The following PHLDB2 variants were observed in gnomAD, a reference collection of about 807,000 sequenced individuals.
PHLDB2 encodes the protein pleckstrin homology like domain family B member 2, also known as pleckstrin homology-like domain family B member 2.
PHLDB2 carries 71 observed loss-of-function variants against 123.6 expected under a neutral mutation model. That is an observed-to-expected ratio of 0.57 (90% confidence interval 0.47 to 0.70). PHLDB2 has a LOEUF of 0.70. Ranked by LOEUF, PHLDB2 falls within the 30% of genes least tolerant of loss-of-function variation. The pLI is 0.00. For missense variants in PHLDB2, 1,446 were observed against 1,519.5 expected (o/e 0.95, Z 0.80); for synonymous variants, 547 against 541.6 (o/e 1.01, Z -0.14).
intron 1 of PHLDB2, among the ~76,000 whole-genome samples, chr3:111,865,581 T>G (rs1378366778): frequency 6.6e-6 from 1 of 152,140 alleles, no homozygotes; most frequent in Non-Finnish European, 1.5e-5. Context: ...AAACTCCTGT[T>G]GAAACAAAAT....
intron 1 of PHLDB2, among the ~76,000 whole-genome samples, chr3:111,834,245 AT>A (rs1362683411): frequency 0.06 from 5,920 of 99,182 alleles, 1,556 homozygotes; most frequent in African/African-American, 0.24. Flanking sequence ...ATATAATAGA[AT>A]TATATATATA....
At chr3:111,796,848 G>T (rs2061182435) in intron 1 of PHLDB2, among the ~76,000 whole-genome samples, 1 of 152,186 alleles carries the variant, frequency 6.6e-6, no homozygotes, top group Non-Finnish European at 1.5e-5. Flanking sequence ...ATCAGATTGT[G>T]TAACATCCTC....
At chr3:111,944,901 G>A (rs754657971) in intron 8 of PHLDB2, among the ~76,000 whole-genome samples, 13 of 151,948 alleles carry the variant, frequency 8.6e-5, no homozygotes, top group Non-Finnish European at 1.3e-4. Context: ...TCTCAATCTC[G>A]ACCTCATGAT....
At position 111,966,737 on chromosome 3, in the gene PHLDB2, A is replaced by G. The variant is rs1363318245; in HGVS notation, c.3168+34A>G. 3.2e-6 allele frequency: 5 copies of G among 1,572,218 alleles called. No homozygotes were observed. The Admixed American group carries it at 8.5e-5, about 27-fold the overall frequency. The stretch of plus-strand genomic sequence containing the variant: ...CATATTTTCATGCCGGAGGTCTGTG[A>G]TACCGTGGTGCAGGAGCCCTGCGCT... On this transcript the variant is annotated intron_variant, in intron 14 of 17. Coordinates refer to ENST00000431670, the MANE Select transcript of PHLDB2 (RefSeq NM_001134438.2).
At chr3:111,863,181 A>G (rs2064919106) in intron 1 of PHLDB2, among the ~76,000 whole-genome samples, 1 of 152,094 alleles carries the variant, frequency 6.6e-6, no homozygotes, top group Non-Finnish European at 1.5e-5. Context: ...GACCTGTGAC[A>G]CTCCACTTCT....
intron 1 of PHLDB2, among the ~76,000 whole-genome samples, chr3:111,786,415 A>G (rs967475785): frequency 6.6e-6 from 1 of 152,170 alleles, no homozygotes; most frequent in Non-Finnish European, 1.5e-5. Context: ...GAATTCAAAC[A>G]ATTACTAAAT....
chr3:111,820,840 A>C (rs957830092), intron 1 of PHLDB2, among the ~76,000 whole-genome samples: 1 of 152,372 alleles, frequency 6.6e-6, no homozygotes, highest in Non-Finnish European at 1.5e-5. Flanking sequence ...CCCAAGTATA[A>C]GGACAGTACT....
chr3:111,924,132 T>G (rs1428906956), intron 5 of PHLDB2, among the ~76,000 whole-genome samples: 2 of 152,150 alleles, frequency 1.3e-5, no homozygotes, highest in South Asian at 2.1e-4. Flanking sequence ...TGGAATTCCC[T>G]TCCTCATATT....
intron 5 of PHLDB2, among the ~76,000 whole-genome samples, chr3:111,923,696 T>C (rs994642992): frequency 1.3e-5 from 2 of 152,180 alleles, no homozygotes; most frequent in Non-Finnish European, 2.9e-5. Context: ...TCTATTCACC[T>C]ATATGTTCAA....
rs73852880 is a variant in PHLDB2, at chr3:111,736,046, A to G, written c.-49+3343A>G. Among the ~76,000 whole-genome samples, 1,210 of 152,306 alleles carry G rather than the reference A, an allele frequency of 7.9e-3. 17 individuals carry two copies. The highest frequency in any genetic ancestry group is 0.028 in the African/African-American group (1,153 of 41,552). On this transcript the variant is annotated intron_variant, in intron 1 of 17. Coordinates refer to the PHLDB2 transcript ENST00000393923. The stretch of plus-strand genomic sequence containing the variant: ...ATTTATTCCCCCTTCCCACTCACAC[A>G]AGATGTTCTTGATGTTCTTGAGTGT...
intron 1 of PHLDB2, among the ~76,000 whole-genome samples, chr3:111,830,558 C>T (rs1218092000): frequency 2.2e-4 from 32 of 148,404 alleles, no homozygotes; most frequent in Non-Finnish European, 4.0e-4. Flanking sequence ...GCCTGTAATC[C>T]CAGCACTTTG....
At chr3:111,963,692 A>G (rs776778493) in intron 13 of PHLDB2, among the ~76,000 whole-genome samples, 1 of 152,244 alleles carries the variant, frequency 6.6e-6, no homozygotes, top group Non-Finnish European at 1.5e-5. Flanking sequence ...ATAAACCACG[A>G]GACCAAGTTT....
upstream of PHLDB2, among the ~76,000 whole-genome samples, chr3:111,857,471 A>G (rs1346712939): frequency 1.1e-5 from 1 of 88,462 alleles, no homozygotes; most frequent in African/African-American, 3.3e-5. Context: ...AAAAGAAAAG[A>G]AAAGAAAAAA....
At chr3:111,951,787 G>A (rs553324064) in intron 10 of PHLDB2, among the ~76,000 whole-genome samples, 2 of 151,872 alleles carry the variant, frequency 1.3e-5, no homozygotes, top group East Asian at 3.9e-4. Flanking sequence ...AGTTTTGGGG[G>A]GAACAGGTAG....
At chr3:111,914,489 C>T (rs2068058470) in intron 3 of PHLDB2, 1 of 152,064 alleles carries the variant, frequency 6.6e-6, no homozygotes, top group Non-Finnish European at 1.5e-5. Context: ...TGCATATTGT[C>T]AAAATTTTTC....
intron 1 of PHLDB2, among the ~76,000 whole-genome samples, chr3:111,818,911 G>T (rs1454102167): frequency 6.6e-6 from 1 of 151,904 alleles, no homozygotes; most frequent in African/African-American, 2.4e-5. Flanking sequence ...CAAATTTCAT[G>T]TCCACCTGTC....
intron 3 of PHLDB2, 186 bp downstream of exon 3, chr3:111,913,888 C>A (rs761786551): frequency 4.1e-5 from 30 of 728,960 alleles, no homozygotes; most frequent in Non-Finnish European, 6.1e-5. Flanking sequence ...AACAAATTTG[C>A]ACTGTAAAAA....
At chr3:111,903,192 G>C (rs73228585) in intron 2 of PHLDB2, among the ~76,000 whole-genome samples, 218 of 152,312 alleles carry the variant, frequency 1.4e-3, no homozygotes, top group Non-Finnish European at 2.4e-3. Context: ...GTAAGGGGGG[G>C]ACACCCGTTT....
chr3:111,920,707 T>C lies in PHLDB2; in HGVS notation c.2001+288T>C, dbSNP rs1162097843. Among the ~76,000 whole-genome samples the C allele has an allele frequency of 4.6e-5, 7 of 152,218 alleles. No homozygotes were observed. In the East Asian group the frequency reaches 7.7e-4, roughly 17 times the overall value. On this transcript the variant is annotated intron_variant, in intron 5 of 17. Coordinates refer to ENST00000431670, the MANE Select transcript of PHLDB2 (RefSeq NM_001134438.2). ...TGCGTTGTTTGTTTGCTTTTTTTCA[T>C]TGGCCTTTCTGCTTTTCTGATTCCA...
Sources: gnomAD v4.1 joint callset for allele counts (sites outside exome capture counted in the v4.1 genomes callset) on GRCh38, gnomAD v4.1.1 for gene constraint, MANE v1.5 for transcripts, NCBI Gene and HGNC (gene_info 2026-07-23, HGNC 2026-07-21) for gene names.